The following RDH13 variants were observed in gnomAD, a reference collection of about 807,000 sequenced individuals.
RDH13 encodes the protein retinol dehydrogenase 13.
A neutral mutation model predicts 28.3 loss-of-function variants in RDH13; 35 were observed. The ratio of observed to expected loss-of-function variants is 1.24; its 90% confidence interval spans 0.95 to 1.64. RDH13 has a LOEUF of 1.64. RDH13 is among the 40% of genes most tolerant of loss of function. RDH13 has a pLI of 0.00. For synonymous variants in RDH13, 229 were observed against 198.5 expected, an observed-to-expected ratio of 1.15 and a Z score of -1.29; for missense variants, 514 against 446.3, an observed-to-expected ratio of 1.15 and a Z score of -1.37.
intron 3 of RDH13, among the ~76,000 whole-genome samples, chr19:55,049,957 GCTGT>G (rs2075373837): frequency 1.4e-5 from 2 of 143,988 alleles, no homozygotes; most frequent in East Asian, 2.0e-4. Context: ...TCCCTTTGGA[GCTGT>G]CTCTTTTTTT....
At chr19:55,055,947 G>A (rs2075618183) in intron 3 of RDH13, among the ~76,000 whole-genome samples, 1 of 152,020 alleles carries the variant, frequency 6.6e-6, no homozygotes, top group South Asian at 2.1e-4. Context: ...GAGGTCAGGA[G>A]TTCGAGACCA....
rs748698037 is a variant in RDH13 at position 55,063,054 on chromosome 19, A to AGGCGTCG, written c.-23_-22insCGACGCC. On this transcript the variant is annotated 5_prime_UTR_variant, in exon 1 of 7. Coordinates refer to ENST00000415061, the MANE Select transcript of RDH13 (RefSeq NM_001145971.2). ...TCATGCCGGGCCGGGGACAGGCGTC[A>AGGCGTCG]GGCGTCAGGGGTCGGCGCGGAGCTT... The AGGCGTCG allele has an allele frequency of 1.5e-6, 2 of 1,311,680 alleles. No homozygotes were observed. Among genetic ancestry groups the AGGCGTCG allele is most frequent in the Non-Finnish European group, 9.6e-7 (1 of 1,037,678 alleles). 81.3% of individuals were successfully genotyped at this position (1,311,680 alleles called of 1,614,324 possible).
Position 55,062,979 on chromosome 19 carries a change from G to C in RDH13, c.54C>G (p.Ala18=). The part of the protein sequence containing the change: ...LSALGTVAGA[A]VLLKDYVTGG... The stretch of plus-strand genomic sequence containing the variant: ...TAGAATGTACTCACTTGAGCAGCAC[G>C]GCGGCGCCTGCTACCGTGCCCAGCG... Residue 18 remains alanine, a synonymous_variant, in exon 1 of 7, where the codon GCC becomes GCG. Coordinates refer to ENST00000415061, the MANE Select transcript of RDH13 (RefSeq NM_001145971.2). The C allele has an allele frequency of 6.8e-7, 1 of 1,477,830 alleles. No homozygotes were observed. The highest frequency in any genetic ancestry group is 1.5e-5 in the African/African-American group (1 of 68,674). 91.5% of individuals were successfully genotyped at this position (1,477,830 alleles called of 1,614,324 possible).
Position 55,056,851 on chromosome 19 carries a change from T to C in RDH13, c.185-43A>G, listed in dbSNP as rs371685141. On this transcript the variant is annotated intron_variant, in intron 2 of 6. Transcript: ENST00000415061. ...AAAAAGATTTAAATTAATAATCCAC[T>C]CCTGGGTACTGACCCCAGAGACATG... is the stretch of plus-strand genomic sequence containing the variant. The C allele has an allele frequency of 4.0e-6, 6 of 1,517,092 alleles. No homozygotes were observed. The East Asian group carries it at 1.4e-4, about 36-fold the overall frequency. 94.0% of individuals were successfully genotyped at this position (1,517,092 alleles called of 1,614,324 possible). A position where few individuals can be genotyped will look rare whatever the true frequency, so the allele number is the denominator to read the frequency against.
downstream of RDH13, among the ~76,000 whole-genome samples, chr19:55,043,935 G>A (rs74646203): frequency 2.1e-3 from 212 of 100,408 alleles, 1 homozygote; most frequent in African/African-American, 6.8e-3. Context: ...TTTTTTTTTT[G>A]AGACGGAATC....
Position 55,056,693 on chromosome 19 carries a change from G to C in RDH13, c.300C>G (p.Ser100=). 1 of 1,613,978 alleles carries C rather than the reference G, an allele frequency of 6.2e-7. No homozygotes were observed. The highest frequency in any genetic ancestry group is 8.5e-7 in the Non-Finnish European group (1 of 1,179,958). Reference sequence around the variant, plus strand: ...CTGCAAACTCTCGGATAGACTTGAGGGAAGCCAAGTCCAGGTGCCGGGCGT... The same window carrying C: ...CTGCAAACTCTCGGATAGACTTGAGCGAAGCCAAGTCCAGGTGCCGGGCGT... ...HVNARHLDLA[S]LKSIREFAAK... The change falls in exon 3 of 7, where the codon TCC becomes TCG. Residue 100 remains serine (S), a synonymous_variant. Transcript: ENST00000415061.
At chr19:55,051,264 G>A (rs1192631841) in intron 3 of RDH13, among the ~76,000 whole-genome samples, 1 of 152,170 alleles carries the variant, frequency 6.6e-6, no homozygotes, top group Non-Finnish European at 1.5e-5. Flanking sequence ...CGCAGAAACT[G>A]GGACCGGGAA....
chr19:55,048,051 G>T, intron 5 of RDH13: 1 of 1,467,122 alleles, frequency 6.8e-7, no homozygotes, highest in Non-Finnish European at 9.0e-7. Context: ...CTCACTGGCT[G>T]GAGCCAAAAG....
At position 55,059,231 on chromosome 19, in the gene RDH13, G is replaced by A; in HGVS notation, c.110C>T (p.Pro37Leu). ...ACCCGTCACGATGACCGTCTTCCCA[G>A]GGATGGTGGCCTTGCTGGGGCAAGC... ...GGACPSKATI[P>L]GKTVIVTGAN... Residue 37 changes from proline to leucine, a missense_variant, in exon 2 of 7, where the codon CCT becomes CTT. By Grantham distance (98) the Pro-to-Leu change is moderately conservative. Coordinates refer to ENST00000415061, the MANE Select transcript of RDH13 (RefSeq NM_001145971.2). 1 of 1,605,552 alleles carries A rather than the reference G, an allele frequency of 6.2e-7. No homozygotes were observed. The highest frequency in any genetic ancestry group is 2.2e-5 in the East Asian group (1 of 44,482).
intron 1 of RDH13, among the ~76,000 whole-genome samples, chr19:55,061,670 T>C (rs1365502217): frequency 6.6e-6 from 1 of 151,568 alleles, no homozygotes; most frequent in Non-Finnish European, 1.5e-5. Context: ...TGCACGCCTG[T>C]AGAGTCAGCT....
chr19:55,058,686 TTTG>T (rs1204888878), intron 2 of RDH13, among the ~76,000 whole-genome samples: 1 of 143,952 alleles, frequency 6.9e-6, no homozygotes, highest in Non-Finnish European at 1.6e-5. Flanking sequence ...TTTGTTTTGC[TTTG>T]TTTTGTTTTG....
intron 1 of RDH13, among the ~76,000 whole-genome samples, chr19:55,061,514 G>A (rs893483620): frequency 2.0e-5 from 3 of 151,874 alleles, no homozygotes; most frequent in Admixed American, 6.6e-5. Flanking sequence ...AGGCAGGACC[G>A]GCACAGTGCC....
chr19:55,052,797 G>GA (rs1165727926), intron 3 of RDH13, among the ~76,000 whole-genome samples: 3 of 151,762 alleles, frequency 2.0e-5, no homozygotes, highest in African/African-American at 7.3e-5. Context: ...AAGTAGCTGG[G>GA]TTACAGGTGC....
exon 3 of RDH13, chr19:55,039,251 G>C (rs150030397): frequency 6.6e-6 from 1 of 152,344 alleles, no homozygotes; most frequent in East Asian, 1.9e-4. Flanking sequence ...ATAAAAATCA[G>C]CCAGGCACAG....
rs769359280 is a variant in RDH13, at chr19:55,047,491, G to A, written c.659-3C>T. On this transcript the variant is annotated splice_polypyrimidine_tract_variant and splice_region_variant and intron_variant, in intron 5 of 6. Transcript: ENST00000415061. The stretch of plus-strand genomic sequence containing the variant: ...GGCGTTGACAGTCACACCAGAGCCT[G>A]GGGAAGAAAGAAAGAGAAGACTGAG... The A allele has an allele frequency of 2.5e-6, 4 of 1,603,368 alleles. No homozygotes were observed. The highest frequency in any genetic ancestry group is 3.4e-6 in the Non-Finnish European group (4 of 1,178,872).
upstream of RDH13, among the ~76,000 whole-genome samples, chr19:55,064,706 A>G (rs199559742): frequency 0.023 from 3,366 of 148,710 alleles, 83 homozygotes; most frequent in East Asian, 0.065. Context: ...TCTGCCTCCT[A>G]GGTTCAAGCG....
At chr19:55,047,722 G>A (rs1235293881) in intron 5 of RDH13, among the ~76,000 whole-genome samples, 3 of 152,200 alleles carry the variant, frequency 2.0e-5, no homozygotes, top group Admixed American at 1.3e-4. Flanking sequence ...CCAGAACGCT[G>A]AGCTTACCCC....
chr19:55,068,119 C>T (rs971930183), upstream of RDH13, among the ~76,000 whole-genome samples: 1 of 149,538 alleles, frequency 6.7e-6, no homozygotes, highest in Non-Finnish European at 1.5e-5. Context: ...CTGTTTCTCT[C>T]TTTCTCTTTC....
chr19:55,049,478 C>T (rs1201669656), intron 3 of RDH13, among the ~76,000 whole-genome samples: 2 of 152,180 alleles, frequency 1.3e-5, no homozygotes, highest in African/African-American at 4.8e-5. Context: ...CAAAGTGCCA[C>T]AGACAGGTGG....
Sources: allele counts gnomAD v4.1 joint callset (sites outside exome capture counted in the v4.1 genomes callset), GRCh38; gene constraint gnomAD v4.1.1; transcripts MANE v1.5; gene names NCBI Gene and HGNC (gene_info 2026-07-23, HGNC 2026-07-21).